Variants in LRMDA observed in about 807,000 individuals in gnomAD.
LRMDA encodes leucine-rich melanocyte differentiation-associated protein.
A neutral mutation model predicts 29.8 loss-of-function variants in LRMDA; 18 were observed. That is an observed-to-expected ratio of 0.60 (90% CI 0.42 to 0.90). LRMDA has a LOEUF of 0.90. LRMDA is among the 40% of genes least tolerant of loss of function. The pLI, the probability that LRMDA is intolerant of heterozygous loss-of-function variation, is 0.00. For missense variants in LRMDA, 273 were observed against 273.9 expected, an observed-to-expected ratio of 1.00 and a Z score of 0.02; for synonymous variants, 125 against 109.4, an observed-to-expected ratio of 1.14 and a Z score of -0.89.
chr10:75,844,644 A>G (rs1031064371), intron 2 of LRMDA, among the ~76,000 whole-genome samples: 1 of 152,222 alleles, frequency 6.6e-6, no homozygotes, highest in African/African-American at 2.4e-5. Flanking sequence ...ACCTATGCAA[A>G]TCAATAAAAA....
At position 76,453,398 on chromosome 10, in the gene LRMDA, C is replaced by T. The variant is rs146395331; in HGVS notation, c.602-103811C>T. ...ATTCAAATAGGAGCCAAGCCCTTCACCTCTACTGTGGGTTATATGACATAC... is the reference window on the plus strand; with the variant it reads ...ATTCAAATAGGAGCCAAGCCCTTCATCTCTACTGTGGGTTATATGACATAC... On this transcript the variant is annotated intron_variant, in intron 6 of 6. Transcript: ENST00000611255. Among the ~76,000 whole-genome samples the T allele has an allele frequency of 5.2e-3, 799 of 152,324 alleles. 5 individuals carry two copies. Among genetic ancestry groups the T allele is most frequent in the African/African-American group, 0.018 (759 of 41,574 alleles).
In LRMDA at chr10:75,659,361, CT is replaced by C. The variant is rs954781771; in HGVS notation, c.131+220876del. 1.2e-4 allele frequency among the ~76,000 whole-genome samples: 18 copies of C among 151,818 alleles called. No homozygotes were observed. The East Asian group carries it at 2.7e-3, about 23-fold the overall frequency. On this transcript the variant is annotated intron_variant, in intron 2 of 6. Transcript: ENST00000611255. ...CTTCCTGCCTCCCTCCCTTTCCTCT[CT>C]TTTTTTTTCTTTCTTCCCCAGCTTT... is the stretch of plus-strand genomic sequence containing the variant.
chr10:75,942,426 T>A (rs1434317582), intron 2 of LRMDA, among the ~76,000 whole-genome samples: 1 of 152,218 alleles, frequency 6.6e-6, no homozygotes, highest in Non-Finnish European at 1.5e-5. Flanking sequence ...CATTTCAAAT[T>A]ACTTACATTT....
At chr10:75,941,981 A>G (rs1301829502) in intron 2 of LRMDA, among the ~76,000 whole-genome samples, 1 of 152,142 alleles carries the variant, frequency 6.6e-6, no homozygotes, top group African/African-American at 2.4e-5. Context: ...AGTCTGTATT[A>G]TTATTTTACA....
At position 75,632,782 on chromosome 10, in the gene LRMDA, GTTTTTTTT is replaced by G. The variant is rs386371855; in HGVS notation, c.131+194308_131+194315del. ...TAGTTTTTTTGTTTAGTTTAGTTTA[GTTTTTTTT>G]TTTTTTTTTTTTTTTTTTTGCCAAG... On this transcript the variant is annotated intron_variant, in intron 2 of 6. Transcript: ENST00000611255. Among the ~76,000 whole-genome samples, 15 of 43,246 alleles carry G rather than the reference GTTTTTTTT, an allele frequency of 3.5e-4. No homozygotes were observed. In the South Asian group the frequency reaches 0.012, roughly 33 times the overall value. 28.4% of individuals were successfully genotyped at this position (43,246 alleles called of 152,430 possible).
chr10:76,176,458 C>T (rs1589364397), intron 5 of LRMDA, among the ~76,000 whole-genome samples: 1 of 152,286 alleles, frequency 6.6e-6, no homozygotes, highest in East Asian at 1.9e-4. Context: ...AGAGTACATG[C>T]AGAAATAATA....
chr10:75,908,779 C>T (rs1387563881), intron 2 of LRMDA, among the ~76,000 whole-genome samples: 2 of 152,150 alleles, frequency 1.3e-5, no homozygotes, highest in African/African-American at 4.8e-5. Context: ...GCGCTCTTTC[C>T]CCATCTGCCA....
At chr10:76,552,757 A>G (rs1843510825) in intron 6 of LRMDA, among the ~76,000 whole-genome samples, 2 of 152,144 alleles carry the variant, frequency 1.3e-5, no homozygotes, top group South Asian at 4.1e-4. Flanking sequence ...AGACTATTGA[A>G]CTGCAGCTGG....
intron 5 of LRMDA, among the ~76,000 whole-genome samples, chr10:76,288,479 T>C (rs942305102): frequency 1.3e-5 from 2 of 152,120 alleles, no homozygotes; most frequent in African/African-American, 4.8e-5. Context: ...AAAGATTTCA[T>C]GGTGAAGACG....
intron 2 of LRMDA, among the ~76,000 whole-genome samples, chr10:75,573,193 A>G (rs1840458467): frequency 6.6e-6 from 1 of 152,018 alleles, no homozygotes; most frequent in African/African-American, 2.4e-5. Context: ...AATCTTTTCT[A>G]TTTGCTTTAA....
At chr10:76,220,539 T>C (rs1197579897) in intron 5 of LRMDA, among the ~76,000 whole-genome samples, 1 of 152,222 alleles carries the variant, frequency 6.6e-6, no homozygotes, top group African/African-American at 2.4e-5. Context: ...GGTAAATTCC[T>C]TGACACATAC....
intron 2 of LRMDA, among the ~76,000 whole-genome samples, chr10:76,004,215 AG>A (rs1004332339): frequency 6.6e-6 from 1 of 152,242 alleles, no homozygotes; most frequent in African/African-American, 2.4e-5. Flanking sequence ...TACACCATTG[AG>A]TAAATTTTCA....
At chr10:76,490,772 A>G (rs534140742) in intron 6 of LRMDA, among the ~76,000 whole-genome samples, 1 of 151,900 alleles carries the variant, frequency 6.6e-6, no homozygotes, top group Non-Finnish European at 1.5e-5. Context: ...GTCCATTTAC[A>G]TGTATTATTA....
intron 5 of LRMDA, among the ~76,000 whole-genome samples, chr10:76,197,747 C>A (rs567702372): frequency 6.7e-6 from 1 of 148,352 alleles, no homozygotes; most frequent in Non-Finnish European, 1.5e-5. Context: ...AGTGAAACCC[C>A]ATCTCTACTA....
intron 2 of LRMDA, among the ~76,000 whole-genome samples, chr10:75,579,524 C>G (rs4409772): frequency 0.092 from 13,927 of 152,204 alleles, 864 homozygotes; most frequent in East Asian, 0.31. Context: ...TCTTCTGAAA[C>G]TATTCCAAAC....
At chr10:76,482,471 C>T (rs185496879) in intron 6 of LRMDA, among the ~76,000 whole-genome samples, 37 of 151,936 alleles carry the variant, frequency 2.4e-4, no homozygotes, top group African/African-American at 8.4e-4. Context: ...CTGGATACTT[C>T]GGGCCAAAAT....
At chr10:75,907,915 G>A (rs1333436905) in intron 2 of LRMDA, among the ~76,000 whole-genome samples, 7 of 152,122 alleles carry the variant, frequency 4.6e-5, no homozygotes, top group East Asian at 3.9e-4. Context: ...CGGTGGCATG[G>A]TGGCTCTGAG....
intron 5 of LRMDA, among the ~76,000 whole-genome samples, chr10:76,227,526 G>A (rs1170891796): frequency 6.6e-6 from 1 of 152,150 alleles, no homozygotes; most frequent in South Asian, 2.1e-4. Flanking sequence ...CAGAGGTTGT[G>A]GATAGTAGTG....
At chr10:76,417,512 A>G (rs1842029299) in intron 6 of LRMDA, among the ~76,000 whole-genome samples, 1 of 151,818 alleles carries the variant, frequency 6.6e-6, no homozygotes, top group African/African-American at 2.4e-5. Flanking sequence ...GCCCCCCACA[A>G]ACTCTCTCAT....
Sources: gnomAD v4.1 joint callset for allele counts (sites outside exome capture counted in the v4.1 genomes callset) on GRCh38, gnomAD v4.1.1 for gene constraint, MANE v1.5 for transcripts, NCBI Gene and HGNC (gene_info 2026-07-23, HGNC 2026-07-21) for gene names.